FSD2: variants seen among roughly 807,000 people sequenced by gnomAD.
FSD2 encodes the protein fibronectin type III and SPRY domain containing 2.
A neutral mutation model predicts 80.4 loss-of-function variants in FSD2; 71 were observed. The ratio of observed to expected loss-of-function variants is 0.88; its 90% CI spans 0.73 to 1.08. The LOEUF (loss-of-function observed/expected upper bound fraction) is 1.08, where lower values mean the gene tolerates loss of function less well. Ranked by LOEUF, FSD2 falls within the 50% of genes least tolerant of loss-of-function variation. FSD2 has a pLI of 0.00. For synonymous variants in FSD2, 361 were observed against 329.5 expected (o/e 1.10, Z -1.03); for missense variants, 923 against 913.8 (o/e 1.01, Z -0.13).
In FSD2 at chr15:82,786,946, CTTCCCGCAAG is replaced by C; in HGVS notation, c.435_444del (p.Asp145GlufsTer40). 1 of 1,614,036 alleles carries C rather than the reference CTTCCCGCAAG, an allele frequency of 6.2e-7. No homozygotes were observed. Among genetic ancestry groups the C allele is most frequent in the African/African-American group, 1.3e-5 (1 of 75,058 alleles). On this transcript the variant is annotated frameshift_variant, in exon 2 of 13. Coordinates refer to ENST00000334574, the MANE Select transcript of FSD2 (RefSeq NM_001007122.4). LOFTEE classifies it high-confidence loss of function. ...GCACGGCCGTGTGTGTACCTATAGG[CTTCCCGCAAG>C]TCCTGGCACTGGCCTGCTGAGCCCC...
chr15:82,795,808 G>T (rs1363245303), intron 1 of FSD2, among the ~76,000 whole-genome samples: 6 of 151,430 alleles, frequency 4.0e-5, no homozygotes, highest in Non-Finnish European at 7.4e-5. Flanking sequence ...CCTCAGCCTG[G>T]GTGATGGAGC....
rs2049217176 is a variant in FSD2 at position 82,758,467 on chromosome 15, A to C, written c.*881T>G. ...TGGTGGGCTGTTAATTTCTTTTAAA[A>C]AATTGTTGTGCATTTGCTAATATGC... On this transcript the variant is annotated 3_prime_UTR_variant, in exon 13 of 13. Coordinates refer to ENST00000334574, the MANE Select transcript of FSD2 (RefSeq NM_001007122.4). 2 of 153,152 alleles carry C rather than the reference A, an allele frequency of 1.3e-5. No homozygotes were observed. Among genetic ancestry groups the C allele is most frequent in the South Asian group, 4.1e-4 (2 of 4,834 alleles). 9.5% of individuals were successfully genotyped at this position (153,152 alleles called of 1,614,324 possible).
At chr15:82,803,905 T>C (rs2050471110) in intron 1 of FSD2, among the ~76,000 whole-genome samples, 2 of 152,178 alleles carry the variant, frequency 1.3e-5, no homozygotes, top group South Asian at 4.1e-4. Flanking sequence ...TCTCTAGGCC[T>C]AACTTTAATG....
At position 82,778,881 on chromosome 15, in the gene FSD2, C is replaced by G; in HGVS notation, c.996G>C (p.Gly332=). ...KDAVAMADRL[G]KFLKTKTDVE... ...CGTCTGTTTTTGTTTTCAGGAATTT[C>G]CCGAGTCTGTTGGTATAAAAAGACA... The change falls in exon 6 of 13, where the codon GGG becomes GGC. Residue 332 remains glycine, a synonymous_variant. Coordinates refer to ENST00000334574, the MANE Select transcript of FSD2 (RefSeq NM_001007122.4). 6.2e-7 allele frequency: 1 copy of G among 1,613,932 alleles called. No homozygotes were observed. The highest frequency in any genetic ancestry group is 8.5e-7 in the Non-Finnish European group (1 of 1,179,862).
intron 11 of FSD2, 91 bp from the exon 12 acceptor site, chr15:82,762,369 C>A: frequency 7.9e-7 from 1 of 1,266,770 alleles, no homozygotes; most frequent in South Asian, 1.5e-5. Context: ...ATCAGTCAGT[C>A]GGTGGTCTAC....
At position 82,787,351 on chromosome 15, in the gene FSD2, A is replaced by T; in HGVS notation, c.40T>A (p.Ser14Thr). 6.2e-7 allele frequency: 1 copy of T among 1,613,376 alleles called. No individual in the cohort carries two copies. The highest frequency in any genetic ancestry group is 8.5e-7 in the Non-Finnish European group (1 of 1,179,570). Residue 14 changes from serine (S) to threonine (T), a missense_variant, in exon 2 of 13, where the codon TCT (serine) becomes ACT (threonine). Physicochemically the swap from Ser to Thr is moderately conservative, Grantham distance 58. Transcript: ENST00000334574. ...ESGEELGLDR[S>T]TPKDFHFYHM... Reference sequence around the variant, plus strand: ...TAAAAGTGGAAATCCTTGGGAGTAGACCTGTCCAGCCCCAGTTCCTCCCCC... The same window carrying T: ...TAAAAGTGGAAATCCTTGGGAGTAGTCCTGTCCAGCCCCAGTTCCTCCCCC...
Position 82,765,317 on chromosome 15 carries a change from A to T in FSD2, c.1688-19T>A, listed in dbSNP as rs2049389910. On this transcript the variant is annotated intron_variant, in intron 10 of 12. Transcript: ENST00000334574. ...TAGCTTCCTGTGGGAGGAGGAACAC[A>T]CAGAAGACCCGCAGCCAATCACTTG... 6.2e-7 allele frequency: 1 copy of T among 1,612,710 alleles called. No homozygotes were observed. The highest frequency in any genetic ancestry group is 8.5e-7 in the Non-Finnish European group (1 of 1,179,450).
At chr15:82,761,169 A>G (rs2049288365) in intron 12 of FSD2, among the ~76,000 whole-genome samples, 1 of 152,224 alleles carries the variant, frequency 6.6e-6, no homozygotes, top group African/African-American at 2.4e-5. Flanking sequence ...GATCATGGGC[A>G]GAGAGCATTG....
chr15:82,782,543 TG>T (rs1245350141), intron 4 of FSD2, among the ~76,000 whole-genome samples: 1 of 152,222 alleles, frequency 6.6e-6, no homozygotes, highest in Non-Finnish European at 1.5e-5. Flanking sequence ...GCCTCTGCGC[TG>T]GGGGAGGGAG....
chr15:82,773,859 T>A (rs2049647823), intron 6 of FSD2, among the ~76,000 whole-genome samples: 1 of 152,138 alleles, frequency 6.6e-6, no homozygotes, highest in Non-Finnish European at 1.5e-5. Context: ...TGAGAAAATA[T>A]CTATCAAAAT....
chr15:82,759,661 A>C, intron 12 of FSD2, 61 bp from the exon 13 acceptor site: 2 of 1,329,668 alleles, frequency 1.5e-6, no homozygotes. Flanking sequence ...TATTTATAGA[A>C]CATTTCATAC....
chr15:82,779,975 G>A (rs1326927412), intron 5 of FSD2, among the ~76,000 whole-genome samples: 1 of 152,070 alleles, frequency 6.6e-6, no homozygotes, highest in Non-Finnish European at 1.5e-5. Context: ...GTTCTTTCTG[G>A]TGAAATGAGG....
At chr15:82,797,914 A>T (rs1242633297) in intron 1 of FSD2, among the ~76,000 whole-genome samples, 3 of 152,168 alleles carry the variant, frequency 2.0e-5, no homozygotes, top group African/African-American at 7.2e-5. Context: ...CATCCAAAAG[A>T]AAAAAAGAGT....
intron 7 of FSD2, among the ~76,000 whole-genome samples, chr15:82,770,374 T>A (rs192005061): frequency 6.6e-6 from 1 of 152,236 alleles, no homozygotes; most frequent in Admixed American, 6.5e-5. Context: ...GCCCACAGAA[T>A]TACAAGAAAT....
At chr15:82,785,016 A>G (rs1450123812) in intron 3 of FSD2, among the ~76,000 whole-genome samples, 5 of 152,210 alleles carry the variant, frequency 3.3e-5, no homozygotes, top group Non-Finnish European at 7.3e-5. Context: ...CGGGATGGGT[A>G]TCCTGTAATA....
rs1287232300 is a variant in FSD2, at chr15:82,765,284, G to A, written c.1702C>T (p.Leu568=). Residue 568 remains leucine (L), a synonymous_variant, in exon 11 of 13, where the codon CTA becomes TTA. Coordinates refer to ENST00000334574, the MANE Select transcript of FSD2 (RefSeq NM_001007122.4). Reference sequence around the variant, plus strand: ...CAGGGATGGCAAGTGTCCTTGTTTAGGCGAAAGTAGCTTCCTGTGGGAGGA... The same window carrying A: ...CAGGGATGGCAAGTGTCCTTGTTTAAGCGAAAGTAGCTTCCTGTGGGAGGA... ...TVHTIGSYFR[L]NKDTCHPWLT... is the part of the protein sequence containing the mutation. 4 of 1,613,168 alleles carry A rather than the reference G, an allele frequency of 2.5e-6. No individual in the cohort carries two copies. Among genetic ancestry groups the A allele is most frequent in the Non-Finnish European group, 3.4e-6 (4 of 1,179,608 alleles).
rs1375589820 is a variant in FSD2, at chr15:82,757,442, C to G, written c.*1906G>C. The G allele has an allele frequency of 6.7e-6, 1 of 150,252 alleles. No homozygotes were observed. The highest frequency in any genetic ancestry group is 6.7e-5 in the Admixed American group (1 of 14,962). 9.3% of individuals were successfully genotyped at this position (150,252 alleles called of 1,614,324 possible). ...CACCTCCCGGGTTCACGCCATTCTC[C>G]TGCCTCAGCCTCCCGAGTAGCTGGG... is the stretch of plus-strand genomic sequence containing the variant. On this transcript the variant is annotated 3_prime_UTR_variant, in exon 13 of 13. Transcript: ENST00000334574.
intron 1 of FSD2, among the ~76,000 whole-genome samples, chr15:82,798,238 G>A (rs745367434): frequency 7.8e-4 from 118 of 152,218 alleles, no homozygotes; most frequent in Non-Finnish European, 1.1e-3. Flanking sequence ...CCAGCTACTC[G>A]GGATGCTAAG....
chr15:82,760,404 G>T (rs1390640114), intron 12 of FSD2, among the ~76,000 whole-genome samples: 1 of 152,062 alleles, frequency 6.6e-6, no homozygotes, highest in Non-Finnish European at 1.5e-5. Context: ...TTGAAAAATG[G>T]CAGAAATGAA....
Sources: allele counts gnomAD v4.1 joint callset (sites outside exome capture counted in the v4.1 genomes callset), GRCh38; gene constraint gnomAD v4.1.1; transcripts MANE v1.5; gene names NCBI Gene and HGNC (gene_info 2026-07-23, HGNC 2026-07-21).